The following NFIB variants were observed in gnomAD, a reference collection of about 807,000 sequenced individuals.
NFIB encodes nuclear factor 1 B-type.
NFIB carries 11 observed loss-of-function variants against 61.5 expected under a neutral mutation model. The ratio of observed to expected loss-of-function variants is 0.18; its 90% CI spans 0.11 to 0.30. NFIB has a LOEUF of 0.30. NFIB is among the 10% of genes least tolerant of loss of function. NFIB has a pLI of 1.00. For synonymous variants in NFIB, 260 were observed against 216.5 expected (o/e 1.20, Z -1.76); for missense variants, 471 against 608.9 (o/e 0.77, Z 2.38).
At chr9:14,143,769 T>TAAAGAACATTAGAAGATGGA (rs2041996390) in intron 6 of NFIB, among the ~76,000 whole-genome samples, 1 of 152,150 alleles carries the variant, frequency 6.6e-6, no homozygotes, top group South Asian at 2.1e-4. Flanking sequence ...GAAGTGTGTC[T>TAAAGAACATTAGAAGATGGA]AAAGAACATT....
intron 2 of NFIB, among the ~76,000 whole-genome samples, chr9:14,251,209 G>C (rs1450760725): frequency 4.6e-5 from 7 of 152,170 alleles, no homozygotes; most frequent in Non-Finnish European, 8.8e-5. Context: ...AGGAACTCCA[G>C]GTGCAATCAC....
chr9:14,294,795 G>A (rs1197332673), intron 2 of NFIB, among the ~76,000 whole-genome samples: 1 of 152,154 alleles, frequency 6.6e-6, no homozygotes, highest in Non-Finnish European at 1.5e-5. Flanking sequence ...AGAATATGAT[G>A]CCTTTTTACC....
chr9:14,191,615 C>T (rs973529497), intron 2 of NFIB, among the ~76,000 whole-genome samples: 4 of 152,134 alleles, frequency 2.6e-5, no homozygotes, highest in African/African-American at 9.7e-5. Flanking sequence ...TTCAAAAATG[C>T]CTAAGCCAAA....
chr9:14,303,089 T>C (rs960407485), intron 2 of NFIB, among the ~76,000 whole-genome samples: 1 of 152,176 alleles, frequency 6.6e-6, no homozygotes, highest in African/African-American at 2.4e-5. Flanking sequence ...CTTTAAAGTT[T>C]TCTCTCTCTC....
chr9:14,393,086 G>A (rs571737108), intron 1 of NFIB, among the ~76,000 whole-genome samples: 1 of 152,216 alleles, frequency 6.6e-6, no homozygotes, highest in African/African-American at 2.4e-5. Context: ...AAAACTCCAA[G>A]GAATGAATTG....
chr9:14,099,521 G>C (rs2118785457), intron 10 of NFIB, among the ~76,000 whole-genome samples: 1 of 152,062 alleles, frequency 6.6e-6, no homozygotes, highest in African/African-American at 2.4e-5. Context: ...ACCGACAAGG[G>C]CTATTTGTAT....
chr9:14,145,731 T>C (rs530326902), intron 6 of NFIB, among the ~76,000 whole-genome samples: 1 of 149,414 alleles, frequency 6.7e-6, no homozygotes, highest in African/African-American at 2.5e-5. Flanking sequence ...GCTTACTCCA[T>C]CCTCTGCTTC....
At chr9:14,341,189 G>A (rs1363742848) in intron 1 of NFIB, among the ~76,000 whole-genome samples, 3 of 152,094 alleles carry the variant, frequency 2.0e-5, no homozygotes, top group Non-Finnish European at 2.9e-5. Context: ...TCCATTTGAG[G>A]GAAACATCCC....
At chr9:14,438,755 G>A in the NFIB span, among the ~76,000 whole-genome samples, 2 of 152,150 alleles carry the variant, frequency 1.3e-5, no homozygotes, top group African/African-American at 4.8e-5. Flanking sequence ...CTCGTGAGCG[G>A]GGGCTGATCC....
At chr9:14,128,452 C>G (rs2039971509) in intron 6 of NFIB, among the ~76,000 whole-genome samples, 1 of 152,080 alleles carries the variant, frequency 6.6e-6, no homozygotes, top group Non-Finnish European at 1.5e-5. Flanking sequence ...AATCCCAACA[C>G]TTTGGGAGGC....
chr9:14,220,312 T>C (rs1213394768), intron 2 of NFIB, among the ~76,000 whole-genome samples: 1 of 152,230 alleles, frequency 6.6e-6, no homozygotes, highest in Non-Finnish European at 1.5e-5. Flanking sequence ...ACACGCTTCA[T>C]AAACAAGGCA....
intron 2 of NFIB, among the ~76,000 whole-genome samples, chr9:14,290,447 T>A (rs1322874069): frequency 1.3e-5 from 2 of 151,998 alleles, no homozygotes; most frequent in Non-Finnish European, 1.5e-5. Flanking sequence ...TTCACAAGTA[T>A]TTTCTCAGTT....
At chr9:14,499,568 A>G in the NFIB span, among the ~76,000 whole-genome samples, 1 of 152,188 alleles carries the variant, frequency 6.6e-6, no homozygotes, top group Non-Finnish European at 1.5e-5. Flanking sequence ...TTCCATGTGC[A>G]TTATTTCACC....
chr9:14,288,627 A>C (rs10733278), intron 2 of NFIB, among the ~76,000 whole-genome samples: 146,297 of 152,106 alleles, frequency 0.96, 70,457 homozygotes, highest in East Asian at 0.99. Context: ...CATTGCAGTC[A>C]CACAGGGTTC....
intron 10 of NFIB, among the ~76,000 whole-genome samples, chr9:14,089,022 AG>A (rs2033369377): frequency 6.6e-6 from 1 of 152,182 alleles, no homozygotes; most frequent in Admixed American, 6.5e-5. Flanking sequence ...ACCCATCGTG[AG>A]GAAAAACATT....
intron 1 of NFIB, among the ~76,000 whole-genome samples, chr9:14,312,751 C>A (rs1365193089): frequency 1.3e-5 from 2 of 152,212 alleles, no homozygotes; most frequent in Non-Finnish European, 2.9e-5. Context: ...AAATGCCTTA[C>A]GAGCTACGCC....
chr9:14,295,406 C>G (rs1410988293), intron 2 of NFIB, among the ~76,000 whole-genome samples: 1 of 152,008 alleles, frequency 6.6e-6, no homozygotes, highest in African/African-American at 2.4e-5. Flanking sequence ...GCGGGCAGAT[C>G]ACGAGGTCAG....
At chr9:14,511,804 T>A in the NFIB span, among the ~76,000 whole-genome samples, 1 of 152,238 alleles carries the variant, frequency 6.6e-6, no homozygotes, top group East Asian at 1.9e-4. Context: ...GTTTATACAT[T>A]TATAATATGT....
At chr9:14,454,936 G>T in the NFIB span, among the ~76,000 whole-genome samples, 1 of 152,238 alleles carries the variant, frequency 6.6e-6, no homozygotes, top group Admixed American at 6.5e-5. Context: ...AACCTGGAAT[G>T]AATTGAATTC....
Sources: allele counts gnomAD v4.1 joint callset (sites outside exome capture counted in the v4.1 genomes callset), GRCh38; gene constraint gnomAD v4.1.1; transcripts MANE v1.5; gene names NCBI Gene and HGNC (gene_info 2026-07-23, HGNC 2026-07-21).